The following TGFB1 variants were observed in gnomAD, a reference collection of about 807,000 sequenced individuals.
The protein encoded by TGFB1 is transforming growth factor beta-1 proprotein.
TGFB1 carries 19 observed loss-of-function variants against 43.8 expected under a neutral mutation model. The observed-to-expected ratio is 0.43, with a 90% CI of 0.30 to 0.64. The LOEUF is 0.64. Among genes scored for constraint, TGFB1 ranks in the 30% least tolerant of loss-of-function variants. The pLI, the probability that TGFB1 is intolerant of heterozygous loss-of-function variation, is 0.11. For missense variants in TGFB1, 445 were observed against 529.8 expected (o/e 0.84, Z 1.57); for synonymous variants, 221 against 236.3 (o/e 0.94, Z 0.60).
chr19:41,331,566 CTTTTTTTTTTTT>C (rs3061187), intron 6 of TGFB1, among the ~76,000 whole-genome samples: 4 of 77,442 alleles, frequency 5.2e-5, no homozygotes, highest in Admixed American at 2.8e-4. Flanking sequence ...CCACTCCTAG[CTTTTTTTTTTTT>C]TTTTTTTTTT....
rs1457425361 is a variant in TGFB1 at position 41,353,747 on chromosome 19, C to T, written c.-703G>A. 6.6e-6 allele frequency: 1 copy of T among 152,554 alleles called. No homozygotes were observed. Among genetic ancestry groups the T allele is most frequent in the East Asian group, 1.9e-4 (1 of 5,160 alleles). 9.5% of individuals were successfully genotyped at this position (152,554 alleles called of 1,614,324 possible). The stretch of plus-strand genomic sequence containing the variant: ...TCAGACTCTGGGGCCTCAGGCTGCT[C>T]CTCGGCGACTCCTTCCTCCGCTCCG... On this transcript the variant is annotated 5_prime_UTR_variant, in exon 1 of 7. Transcript: ENST00000221930. This position sits in a 1 kb window ranked among gnomAD's most constrained non-coding sequence, Gnocchi z 5.9.
rs201155269 is a variant in TGFB1, at chr19:41,352,789, C to G, written c.256G>C (p.Asp86His). 1.2e-6 allele frequency: 2 copies of G among 1,609,686 alleles called. No homozygotes were observed. The highest frequency in any genetic ancestry group is 1.7e-4 in the Middle Eastern group (1 of 6,048). Residue 86 changes from aspartate (D) to histidine (H), a missense_variant, in exon 1 of 7, where the codon GAC (aspartate) becomes CAC (histidine). Asp to His is a moderately conservative substitution (Grantham distance 81). Transcript: ENST00000221930. ...AVLALYNSTR[D>H]RVAGESAEPE... is the part of the protein sequence containing the mutation. ...TCTGCACTCTCCCCGGCCACCCGGT[C>G]GCGGGTGCTGTTGTACAGGGCGAGC...
At chr19:41,331,901 C>A (rs1197587971) in intron 6 of TGFB1, among the ~76,000 whole-genome samples, 1 of 151,760 alleles carries the variant, frequency 6.6e-6, no homozygotes, top group African/African-American at 2.4e-5. Context: ...TCTGTTACTT[C>A]ACTCTGTGGG....
intron 5 of TGFB1, among the ~76,000 whole-genome samples, chr19:41,341,474 A>AAAAAAAT (rs2038054625): frequency 6.7e-6 from 1 of 149,044 alleles, no homozygotes; most frequent in African/African-American, 2.5e-5. Context: ...CTCAAAAAAA[A>AAAAAAAT]AAAAAAAAAA....
intron 5 of TGFB1, among the ~76,000 whole-genome samples, chr19:41,341,535 T>C (rs2038055926): frequency 6.6e-6 from 1 of 150,702 alleles, no homozygotes. Flanking sequence ...TCTTTTTTTG[T>C]TTTTTGTGGC....
At chr19:41,340,367 C>T (rs1341933519) in intron 5 of TGFB1, among the ~76,000 whole-genome samples, 1 of 151,294 alleles carries the variant, frequency 6.6e-6, no homozygotes, top group Non-Finnish European at 1.5e-5. Flanking sequence ...AGTGATTCTC[C>T]TGCCCCAGCC....
chr19:41,352,607 C>A, intron 1 of TGFB1, 83 bp downstream of exon 1: 1 of 1,508,422 alleles, frequency 6.6e-7, no homozygotes, highest in South Asian at 1.2e-5. Context: ...GTTTCTTCTG[C>A]CAGTCACTTC....
intron 5 of TGFB1, among the ~76,000 whole-genome samples, chr19:41,335,333 C>G (rs971869022): frequency 2.3e-4 from 35 of 152,150 alleles, no homozygotes; most frequent in Non-Finnish European, 5.1e-4. Flanking sequence ...GGATTACAGG[C>G]ATGAGCCACC....
At chr19:41,341,057 C>T (rs2038048588) in intron 5 of TGFB1, among the ~76,000 whole-genome samples, 1 of 152,146 alleles carries the variant, frequency 6.6e-6, no homozygotes, top group South Asian at 2.1e-4. Context: ...CAAGGCTGGG[C>T]GTGGTGGCTC....
intron 5 of TGFB1, among the ~76,000 whole-genome samples, chr19:41,340,251 C>CTTT (rs3061188): frequency 2.0e-4 from 25 of 125,196 alleles, no homozygotes; most frequent in South Asian, 2.6e-4. Flanking sequence ...CACTTTCTTT[C>CTTT]TTTTTTTTTT....
At chr19:41,347,993 G>A (rs191632728) in intron 2 of TGFB1, among the ~76,000 whole-genome samples, 5 of 147,288 alleles carry the variant, frequency 3.4e-5, no homozygotes, top group South Asian at 4.2e-4. Flanking sequence ...TTAGCTGGGC[G>A]TGGTGGCGCA....
intron 5 of TGFB1, among the ~76,000 whole-genome samples, chr19:41,335,462 C>T (rs993453482): frequency 2.0e-5 from 3 of 152,180 alleles, no homozygotes; most frequent in Admixed American, 6.6e-5. Flanking sequence ...ACGTGAGCTC[C>T]CAGGACCAGC....
chr19:41,348,215 C>T, intron 2 of TGFB1, 80 bp downstream of exon 2: 5 of 1,560,722 alleles, frequency 3.2e-6, no homozygotes, highest in African/African-American at 2.7e-5. Flanking sequence ...TTGTAACCAG[C>T]CGACCCACAG....
In TGFB1 at chr19:41,348,504, G is replaced by T. The variant is rs776493867; in HGVS notation, c.356-49C>A. 4 of 1,603,492 alleles carry T rather than the reference G, an allele frequency of 2.5e-6. No individual in the cohort carries two copies. The East Asian group carries it at 9.0e-5, about 36-fold the overall frequency. On this transcript the variant is annotated intron_variant, in intron 1 of 6. Transcript: ENST00000221930. ...GCGATCAGGGGTTTGGCAGAGGTGA[G>T]GGGAGCTGGTGCTCCCAACTCTAGG...
At chr19:41,331,890 C>G (rs550574492) in intron 6 of TGFB1, among the ~76,000 whole-genome samples, 6 of 151,856 alleles carry the variant, frequency 4.0e-5, no homozygotes, top group African/African-American at 9.7e-5. Context: ...ACCCCCATCC[C>G]TCTGTTACTT....
At chr19:41,332,856 G>A (rs1040842056) in intron 5 of TGFB1, among the ~76,000 whole-genome samples, 2 of 152,144 alleles carry the variant, frequency 1.3e-5, no homozygotes, top group Admixed American at 6.5e-5. Flanking sequence ...ACAACAAAGT[G>A]CAAGACCCTG....
In TGFB1 at chr19:41,341,912, G is replaced by A. The variant is rs201119217; in HGVS notation, c.831C>T (p.Arg277=). Reference sequence around the variant, plus strand: ...AGCAATAGTTGGTGTCCAGGGCTCGGCGGTGCCGGGAGCTTTGCAGATGCT... The same window carrying A: ...AGCAATAGTTGGTGTCCAGGGCTCGACGGTGCCGGGAGCTTTGCAGATGCT... The part of the protein sequence containing the change: ...RAQHLQSSRH[R]RALDTNYCFS... Residue 277 remains arginine, a synonymous_variant, in exon 5 of 7, where the codon CGC becomes CGT. Transcript: ENST00000221930. 1.2e-6 allele frequency: 2 copies of A among 1,613,932 alleles called. No individual in the cohort carries two copies. Among genetic ancestry groups the A allele is most frequent in the Non-Finnish European group, 1.7e-6 (2 of 1,179,922 alleles).
At chr19:41,331,854 A>C in intron 6 of TGFB1, among the ~76,000 whole-genome samples, 2 of 146,014 alleles carry the variant, frequency 1.4e-5, no homozygotes, top group African/African-American at 5.1e-5. Flanking sequence ...TTTTCCTTCC[A>C]TCTCCCTGTC....
chr19:41,339,790 C>T (rs571790457), intron 5 of TGFB1, among the ~76,000 whole-genome samples: 33 of 152,224 alleles, frequency 2.2e-4, no homozygotes, highest in African/African-American at 7.9e-4. Flanking sequence ...CGCCACTGCA[C>T]TCCAGCCTGG....
Sources: gnomAD v4.1 joint callset for allele counts (sites outside exome capture counted in the v4.1 genomes callset) on GRCh38, gnomAD v4.1.1 for gene constraint, Gnocchi (gnomAD v3.1) non-coding constraint, MANE v1.5 for transcripts, NCBI Gene and HGNC (gene_info 2026-07-23, HGNC 2026-07-21) for gene names.